SMARCD3: variants seen among roughly 807,000 people sequenced by gnomAD.
SMARCD3 encodes SWI/SNF related BAF chromatin remodeling complex subunit D3, also known as SWI/SNF-related matrix-associated actin-dependent regulator of chromatin subfamily D member 3.
In SMARCD3, 14 loss-of-function variants were observed where a neutral mutation model predicts 58.0. The ratio of observed to expected loss-of-function variants is 0.24; its 90% CI spans 0.16 to 0.38. The LOEUF is 0.38. Among genes scored for constraint, SMARCD3 ranks in the 10% least tolerant of loss-of-function variants. The pLI, the probability that SMARCD3 is intolerant of heterozygous loss-of-function variation, is 1.00. For synonymous variants in SMARCD3, 253 were observed against 253.8 expected (o/e 1.00, Z 0.03); for missense variants, 408 against 636.9 (o/e 0.64, Z 3.87).
At chr7:151,276,099 T>G (rs1584903340) in intron 1 of SMARCD3, among the ~76,000 whole-genome samples, 5 of 87,360 alleles carry the variant, frequency 5.7e-5, no homozygotes, top group African/African-American at 1.9e-4. Context: ...GAGGGGAGGA[T>G]GAGGAGAGGA....
Position 151,242,335 on chromosome 7 carries a change from A to G in SMARCD3, c.580-103T>C. ...CGACAGGGCAGTGGGCTTAGATGAA[A>G]TCCTCTGCACTTGGAATGTCTCTAG... On this transcript the variant is annotated intron_variant, in intron 5 of 12. Transcript: ENST00000262188. The surrounding 1 kb of genome is among the most constrained non-coding windows in gnomAD (Gnocchi z 4.7). 7.1e-7 allele frequency: 1 copy of G among 1,416,078 alleles called. No homozygotes were observed. The highest frequency in any genetic ancestry group is 9.9e-7 in the Non-Finnish European group (1 of 1,005,798). The allele number at this position is 1,416,078 out of a possible 1,614,324, so 87.7% of individuals were successfully genotyped here.
At position 151,248,681 on chromosome 7, in the gene SMARCD3, T is replaced by TA. The variant is rs1803396590; in HGVS notation, c.-120dup. ...GTCCTGCTGGGCTCTCTCACACTTC[T>TA]ACTCGAGCGGAGTGGGGAGGGGGCC... On this transcript the variant is annotated 5_prime_UTR_variant, in exon 1 of 13. Transcript: ENST00000262188. This position sits in a 1 kb window ranked among gnomAD's most constrained non-coding sequence, Gnocchi z 6.1. The TA allele has an allele frequency of 5.6e-6, 8 of 1,434,838 alleles. No individual in the cohort carries two copies. The South Asian group carries it at 9.9e-5, about 18-fold the overall frequency. 88.9% of individuals were successfully genotyped at this position (1,434,838 alleles called of 1,614,324 possible). A position where few individuals can be genotyped will look rare whatever the true frequency, so the allele number is the denominator to read the frequency against.
chr7:151,259,601 G>GTTTTTTTTTTTTTTTTTTTTTTTTT (rs112223142), intron 2 of SMARCD3, among the ~76,000 whole-genome samples: 1 of 70,528 alleles, frequency 1.4e-5, no homozygotes, highest in African/African-American at 5.8e-5. Flanking sequence ...CAACCTGAGA[G>GTTTTTTTTTTTTTTTTTTTTTTTTT]TTTTTTTTTT....
Position 151,270,032 on chromosome 7 carries a change from C to G in SMARCD3, c.39+5082G>C, listed in dbSNP as rs557948359. Among the ~76,000 whole-genome samples, 9 of 152,288 alleles carry G rather than the reference C, an allele frequency of 5.9e-5. No homozygotes were observed. The South Asian group carries it at 1.9e-3, about 32-fold the overall frequency. On this transcript the variant is annotated intron_variant, in intron 2 of 13. Coordinates refer to the SMARCD3 transcript ENST00000356800. ...CTGGGAATATTTGAAAGAGCCAGAG[C>G]TGGATGTTCCGAGCGGAGACAGAGC...
intron 2 of SMARCD3, among the ~76,000 whole-genome samples, chr7:151,270,417 C>T (rs1279446426): frequency 6.6e-6 from 1 of 152,186 alleles, no homozygotes; most frequent in African/African-American, 2.4e-5. Flanking sequence ...CTGCCTCACA[C>T]ATTTGCTCAT....
In SMARCD3 at chr7:151,239,268, C is replaced by T. The variant is rs974155273; in HGVS notation, c.1399-112G>A. On this transcript the variant is annotated intron_variant, in intron 12 of 12. Coordinates refer to ENST00000262188, the MANE Select transcript of SMARCD3 (RefSeq NM_001003801.2). This position sits in a 1 kb window ranked among gnomAD's most constrained non-coding sequence, Gnocchi z 7.0. ...AAGAGCATCTGGGAGCAGGGAGGGC[C>T]ATTGCATGGTGAGGCAGCGTGGTGA... The T allele has an allele frequency of 1.5e-6, 2 of 1,358,024 alleles. No individual in the cohort carries two copies. Among genetic ancestry groups the T allele is most frequent in the Non-Finnish European group, 2.1e-6 (2 of 948,518 alleles). 84.1% of individuals were successfully genotyped at this position (1,358,024 alleles called of 1,614,324 possible).
rs1054946328 is a variant in SMARCD3 at position 151,248,417 on chromosome 7, C to T, written c.78+68G>A. On this transcript the variant is annotated intron_variant, in intron 1 of 12. Transcript: ENST00000262188. The surrounding 1 kb of genome is among the most constrained non-coding windows in gnomAD (Gnocchi z 6.1). Reference sequence around the variant, plus strand: ...GAGCGGGAGCGCCCTCCCGGCCCCTCCCGATCAGCCCTCCATTCAGCCCGA... The same window carrying T: ...GAGCGGGAGCGCCCTCCCGGCCCCTTCCGATCAGCCCTCCATTCAGCCCGA... 4 of 1,380,568 alleles carry T rather than the reference C, an allele frequency of 2.9e-6. No individual in the cohort carries two copies. Among genetic ancestry groups the T allele is most frequent in the Non-Finnish European group, 4.1e-6 (4 of 977,562 alleles). 85.5% of individuals were successfully genotyped at this position (1,380,568 alleles called of 1,614,324 possible).
Position 151,246,120 on chromosome 7 carries a change from AGCCCCTGAAGGGCTGCCTCCTGGGG to A in SMARCD3, c.79-474_79-450del, listed in dbSNP as rs1466359111. On this transcript the variant is annotated intron_variant, in intron 1 of 12. Coordinates refer to ENST00000262188, the MANE Select transcript of SMARCD3 (RefSeq NM_001003801.2). The surrounding 1 kb of genome is among the most constrained non-coding windows in gnomAD (Gnocchi z 4.4). The stretch of plus-strand genomic sequence containing the variant: ...TCACACAGCTCATCCTGGCCCAGGC[AGCCCCTGAAGGGCTGCCTCCTGGGG>A]GCCCAGGGCTTTGCTCTCTGCGGCT... 6.6e-6 allele frequency: 1 copy of A among 152,262 alleles called. No individual in the cohort carries two copies. The highest frequency in any genetic ancestry group is 1.5e-5 in the Non-Finnish European group (1 of 68,146). 9.4% of individuals were successfully genotyped at this position (152,262 alleles called of 1,614,324 possible). A position where few individuals can be genotyped will look rare whatever the true frequency, so the allele number is the denominator to read the frequency against.
intron 2 of SMARCD3, among the ~76,000 whole-genome samples, chr7:151,258,455 C>G (rs571316087): frequency 6.6e-6 from 1 of 151,132 alleles, no homozygotes; most frequent in Non-Finnish European, 1.5e-5. Flanking sequence ...ATCCCAGCTA[C>G]TTGGGAGGCT....
intron 2 of SMARCD3, among the ~76,000 whole-genome samples, chr7:151,256,035 C>A (rs1241984030): frequency 6.6e-6 from 1 of 152,048 alleles, no homozygotes; most frequent in East Asian, 1.9e-4. Flanking sequence ...TGCCTGCCAC[C>A]ATACCCAGCT....
chr7:151,248,815 C>G (rs1416655573), upstream of SMARCD3: 6 of 458,520 alleles, frequency 1.3e-5, no homozygotes, highest in South Asian at 8.8e-5. The surrounding 1 kb of genome is among the most constrained non-coding windows in gnomAD (Gnocchi z 6.1). Context: ...AGAAATAGTC[C>G]GGCGGCCCGG....
Position 151,245,730 on chromosome 7 carries a change from C to A in SMARCD3, c.79-59G>T, listed in dbSNP as rs1286359734. 9.4e-6 allele frequency: 4 copies of A among 424,718 alleles called. No homozygotes were observed. Among genetic ancestry groups the A allele is most frequent in the Non-Finnish European group, 1.6e-5 (4 of 252,836 alleles). The allele number at this position is 424,718 out of a possible 1,614,324, so 26.3% of individuals were successfully genotyped here. On this transcript the variant is annotated intron_variant, in intron 1 of 12. Transcript: ENST00000262188. The surrounding 1 kb of genome is among the most constrained non-coding windows in gnomAD (Gnocchi z 6.2). Reference sequence around the variant, plus strand: ...GCCCGTGGGTCAGACCAGGGCCCCCCGCTCCAGGCGCGGTGAGCCGGCGTC... The same window carrying A: ...GCCCGTGGGTCAGACCAGGGCCCCCAGCTCCAGGCGCGGTGAGCCGGCGTC...
intron 2 of SMARCD3, among the ~76,000 whole-genome samples, chr7:151,255,028 G>A (rs1803655706): frequency 1.3e-5 from 2 of 152,180 alleles, no homozygotes. Flanking sequence ...GGCTGTCCTT[G>A]CAGGTCTGAC....
At chr7:151,255,043 C>T (rs1803656335) in intron 2 of SMARCD3, among the ~76,000 whole-genome samples, 1 of 152,158 alleles carries the variant, frequency 6.6e-6, no homozygotes, top group African/African-American at 2.4e-5. Flanking sequence ...TCTGACACTG[C>T]ACCTTCCACT....
chr7:151,263,458 G>A (rs1803981818), intron 2 of SMARCD3, among the ~76,000 whole-genome samples: 1 of 152,036 alleles, frequency 6.6e-6, no homozygotes, highest in South Asian at 2.1e-4. Context: ...CCCTCCCCAG[G>A]TTCCACCTTG....
At chr7:151,254,054 T>C (rs897363404) in intron 2 of SMARCD3, among the ~76,000 whole-genome samples, 4 of 152,260 alleles carry the variant, frequency 2.6e-5, no homozygotes, top group African/African-American at 4.8e-5. Flanking sequence ...TCGGGACTCA[T>C]AGGGTGGTTG....
chr7:151,270,239 A>G (rs1027645574), intron 2 of SMARCD3, among the ~76,000 whole-genome samples: 1 of 152,160 alleles, frequency 6.6e-6, no homozygotes, highest in African/African-American at 2.4e-5. Context: ...GAGTTACAGG[A>G]GGGAGACGCG....
rs35746260 is a variant in SMARCD3, at chr7:151,245,748, C to T, written c.79-77G>A. The T allele has an allele frequency of 0.072, 28,347 of 393,890 alleles. 1,162 individuals carry two copies. Among genetic ancestry groups the T allele is most frequent in the Admixed American group, 0.12 (2,554 of 22,192 alleles). 24.4% of individuals were successfully genotyped at this position (393,890 alleles called of 1,614,324 possible). On this transcript the variant is annotated intron_variant, in intron 1 of 12. Coordinates refer to ENST00000262188, the MANE Select transcript of SMARCD3 (RefSeq NM_001003801.2). This position sits in a 1 kb window ranked among gnomAD's most constrained non-coding sequence, Gnocchi z 6.2. ...GGCCCCCCGCTCCAGGCGCGGTGAG[C>T]CGGCGTCTCCCCTCCCCCACCAGAC...
In SMARCD3 at chr7:151,241,744, T is replaced by C; in HGVS notation, c.778-91A>G. ...ATTCAGGACTAGGGGGATGTGTTGA[T>C]TGAGGAAACATGCCCCTGGGGAAGG... is the stretch of plus-strand genomic sequence containing the variant. On this transcript the variant is annotated intron_variant, in intron 7 of 12. Coordinates refer to ENST00000262188, the MANE Select transcript of SMARCD3 (RefSeq NM_001003801.2). This position sits in a 1 kb window ranked among gnomAD's most constrained non-coding sequence, Gnocchi z 5.3. 2 of 1,407,210 alleles carry C rather than the reference T, an allele frequency of 1.4e-6. No individual in the cohort carries two copies. The highest frequency in any genetic ancestry group is 2.0e-6 in the Non-Finnish European group (2 of 1,010,686). 87.2% of individuals were successfully genotyped at this position (1,407,210 alleles called of 1,614,324 possible).
Sources: gnomAD v4.1 joint callset for allele counts (sites outside exome capture counted in the v4.1 genomes callset) on GRCh38, gnomAD v4.1.1 for gene constraint, Gnocchi (gnomAD v3.1) non-coding constraint, MANE v1.5 for transcripts, NCBI Gene and HGNC (gene_info 2026-07-23, HGNC 2026-07-21) for gene names.